The following CAT variants were observed in gnomAD, a reference collection of about 807,000 sequenced individuals.
The protein encoded by CAT is catalase.
Under a neutral mutation model 59.0 loss-of-function variants are expected in CAT, and 43 were observed. That is an observed-to-expected ratio of 0.73 (90% CI 0.57 to 0.94). The LOEUF is 0.94. CAT is among the 40% of genes least tolerant of loss of function. The probability of loss-of-function intolerance (pLI) is 0.00; values close to 1 mark genes in which losing one functional copy is unlikely to be tolerated. For missense variants in CAT, 664 were observed against 682.9 expected (o/e 0.97, Z 0.31); for synonymous variants, 218 against 230.9 (o/e 0.94, Z 0.51).
chr11:34,455,943 A>G (rs1173035298), intron 6 of CAT, 68 bp from the exon 7 acceptor site: 22 of 1,337,368 alleles, frequency 1.6e-5, no homozygotes, highest in Non-Finnish European at 2.0e-5. Flanking sequence ...CCTTCAATGA[A>G]TTACTGATGA....
At chr11:34,471,318 G>A (rs576976608) in intron 12 of CAT, 50 bp from the exon 13 acceptor site, 40 of 1,355,880 alleles carry the variant, frequency 3.0e-5, no homozygotes, top group South Asian at 2.2e-4. Context: ...TAAATATCAC[G>A]TTGCTGCCCA....
At chr11:34,445,915 A>G (rs1856448411) in intron 1 of CAT, among the ~76,000 whole-genome samples, 1 of 152,212 alleles carries the variant, frequency 6.6e-6, no homozygotes, top group Admixed American at 6.5e-5. Context: ...AGTTTGTAGT[A>G]TCGCCCATTA....
Position 34,445,075 on chromosome 11 carries a change from C to T in CAT, c.67-4117C>T, listed in dbSNP as rs17882812. On this transcript the variant is annotated intron_variant, in intron 1 of 12. Coordinates refer to ENST00000241052, the MANE Select transcript of CAT (RefSeq NM_001752.4). ...GGCTCTTGGCCATATCATATTGGTCCGTGGTTTAGTTTATTTGCATGCTGA... is the reference window on the plus strand; with the variant it reads ...GGCTCTTGGCCATATCATATTGGTCTGTGGTTTAGTTTATTTGCATGCTGA... Among the ~76,000 whole-genome samples the T allele has an allele frequency of 3.7e-3, 567 of 152,044 alleles. 3 individuals are homozygous for T. Among genetic ancestry groups the T allele is most frequent in the African/African-American group, 0.013 (542 of 41,436 alleles).
intron 7 of CAT, 56 bp from the exon 8 acceptor site, chr11:34,456,609 G>C (rs1329424670): frequency 1.3e-6 from 2 of 1,539,218 alleles, no homozygotes; most frequent in East Asian, 2.2e-5. Context: ...TTTGTGGGTA[G>C]CTTTGATTTC....
intron 1 of CAT, among the ~76,000 whole-genome samples, chr11:34,441,310 G>A (rs1277910064): frequency 6.6e-6 from 1 of 152,040 alleles, no homozygotes; most frequent in South Asian, 2.1e-4. Flanking sequence ...ATTCTACAAG[G>A]AACATTTTGC....
intron 1 of CAT, among the ~76,000 whole-genome samples, chr11:34,440,901 T>G (rs903282225): frequency 5.9e-5 from 9 of 152,234 alleles, no homozygotes; most frequent in Non-Finnish European, 1.3e-4. Context: ...CCTTCTTCCT[T>G]GTTTGGGAGA....
chr11:34,446,229 GC>G (rs1260974843), intron 1 of CAT, among the ~76,000 whole-genome samples: 1 of 152,120 alleles, frequency 6.6e-6, no homozygotes, highest in African/African-American at 2.4e-5. Flanking sequence ...AAGCTTTCCT[GC>G]CCCACTGGCT....
chr11:34,448,763 G>A lies in CAT; in HGVS notation c.67-429G>A, dbSNP rs768136824. 3.3e-5 allele frequency among the ~76,000 whole-genome samples: 5 copies of A among 152,056 alleles called. No individual in the cohort carries two copies. The South Asian group carries it at 8.3e-4, about 25-fold the overall frequency. On this transcript the variant is annotated intron_variant, in intron 1 of 12. Coordinates refer to ENST00000241052, the MANE Select transcript of CAT (RefSeq NM_001752.4). ...TTGAAGATCGTGGCAGTAATAAAGCGTTTGTAAGTTCTGAGTAAAGTATTG... is the reference window on the plus strand; with the variant it reads ...TTGAAGATCGTGGCAGTAATAAAGCATTTGTAAGTTCTGAGTAAAGTATTG...
intron 10 of CAT, among the ~76,000 whole-genome samples, chr11:34,466,503 C>T (rs528909133): frequency 3.5e-4 from 53 of 152,172 alleles, no homozygotes; most frequent in African/African-American, 7.5e-4. Context: ...ATGGGCTGGG[C>T]GCGGTGGCTC....
intron 3 of CAT, 135 bp from the exon 4 acceptor site, chr11:34,451,942 C>T (rs1048748752): frequency 4.1e-5 from 34 of 834,114 alleles, no homozygotes; most frequent in South Asian, 2.0e-4. Context: ...AATAATAACC[C>T]GGGCACTTAA....
intron 1 of CAT, among the ~76,000 whole-genome samples, chr11:34,447,803 A>G (rs1856476004): frequency 6.6e-6 from 1 of 152,214 alleles, no homozygotes; most frequent in African/African-American, 2.4e-5. Context: ...TGTTAACCTT[A>G]GGAGGTACTT....
At chr11:34,452,550 C>T (rs982995579) in intron 4 of CAT, among the ~76,000 whole-genome samples, 1 of 151,908 alleles carries the variant, frequency 6.6e-6, no homozygotes, top group African/African-American at 2.4e-5. Flanking sequence ...TGTGTGCGTG[C>T]GCGCATGCGG....
intron 7 of CAT, 92 bp downstream of exon 7, chr11:34,456,294 G>T (rs1856589608): frequency 1.0e-6 from 1 of 993,376 alleles, no homozygotes; most frequent in Non-Finnish European, 1.5e-6. Context: ...TAATAATGGG[G>T]AAGTCATATA....
intron 10 of CAT, 110 bp from the exon 11 acceptor site, chr11:34,468,178 A>C (rs1856740002): frequency 2.4e-6 from 2 of 838,232 alleles, no homozygotes; most frequent in Non-Finnish European, 4.1e-6. Flanking sequence ...AATTATTCTT[A>C]ACTTCTAAAG....
intron 1 of CAT, among the ~76,000 whole-genome samples, chr11:34,447,544 T>C: frequency 6.6e-6 from 1 of 152,160 alleles, no homozygotes; most frequent in East Asian, 1.9e-4. Flanking sequence ...GACTGGGTGG[T>C]AAGTGTTGAT....
At chr11:34,439,314 G>C (rs1856357760) in intron 1 of CAT, among the ~76,000 whole-genome samples, 2 of 152,186 alleles carry the variant, frequency 1.3e-5, no homozygotes. Context: ...AGGCTCGGGT[G>C]GTTGCTTCAG....
chr11:34,438,963 G>C lies in CAT; in HGVS notation c.-51G>C. The C allele has an allele frequency of 6.7e-7, 1 of 1,497,564 alleles. No homozygotes were observed. Among genetic ancestry groups the C allele is most frequent in the Non-Finnish European group, 9.1e-7 (1 of 1,097,188 alleles). The allele number at this position is 1,497,564 out of a possible 1,614,324, so 92.8% of individuals were successfully genotyped here. A position where few individuals can be genotyped will look rare whatever the true frequency, so the allele number is the denominator to read the frequency against. On this transcript the variant is annotated 5_prime_UTR_variant, in exon 1 of 13. Transcript: ENST00000241052. ...GGCAGATTTGCCTGCTGAGGGTGGA[G>C]ACCCACGAGCCGAGGCCTCCTGCAG... is the stretch of plus-strand genomic sequence containing the variant.
chr11:34,443,090 A>T (rs1856411491), intron 1 of CAT, among the ~76,000 whole-genome samples: 1 of 152,216 alleles, frequency 6.6e-6, no homozygotes, highest in Non-Finnish European at 1.5e-5. Context: ...ATTAAAAAAA[A>T]ATCTCCCCTT....
intron 9 of CAT, among the ~76,000 whole-genome samples, chr11:34,462,704 C>T (rs973901353): frequency 3.9e-5 from 6 of 152,174 alleles, no homozygotes; most frequent in African/African-American, 1.2e-4. Flanking sequence ...AGGCATGAGC[C>T]ACCGCGCCTG....
Sources: allele counts gnomAD v4.1 joint callset (sites outside exome capture counted in the v4.1 genomes callset), GRCh38; gene constraint gnomAD v4.1.1; transcripts MANE v1.5; gene names NCBI Gene and HGNC (gene_info 2026-07-23, HGNC 2026-07-21).